ZFAND4: variants seen among roughly 807,000 people sequenced by gnomAD.
The protein encoded by ZFAND4 is AN1-type zinc finger protein 4.
ZFAND4 carries 43 observed loss-of-function variants against 64.4 expected under a neutral mutation model. The ratio of observed to expected loss-of-function variants is 0.67; its 90% CI spans 0.52 to 0.86. The LOEUF is 0.86. Ranked by LOEUF, ZFAND4 falls within the 40% of genes least tolerant of loss-of-function variation. The pLI, the probability that ZFAND4 is intolerant of heterozygous loss-of-function variation, is 0.00. For synonymous variants in ZFAND4, 296 were observed against 305.7 expected, an observed-to-expected ratio of 0.97 and a Z score of 0.33; for missense variants, 929 against 859.8, an observed-to-expected ratio of 1.08 and a Z score of -1.01.
intron 9 of ZFAND4, among the ~76,000 whole-genome samples, chr10:45,616,858 G>T (rs1355081175): frequency 6.6e-6 from 1 of 152,198 alleles, no homozygotes; most frequent in Non-Finnish European, 1.5e-5. Context: ...ACTTTGGGAA[G>T]CCGAGGCGGG....
rs1016996297 is a variant in ZFAND4 at position 45,663,845 on chromosome 10, A to T, written c.-117-3T>A. 1.2e-6 allele frequency: 1 copy of T among 854,672 alleles called. No homozygotes were observed. Among genetic ancestry groups the T allele is most frequent in the Non-Finnish European group, 1.7e-6 (1 of 603,216 alleles). 52.9% of individuals were successfully genotyped at this position (854,672 alleles called of 1,614,324 possible). A position where few individuals can be genotyped will look rare whatever the true frequency, so the allele number is the denominator to read the frequency against. On this transcript the variant is annotated splice_polypyrimidine_tract_variant and splice_region_variant and intron_variant, in intron 1 of 9. Coordinates refer to ENST00000344646, the MANE Select transcript of ZFAND4 (RefSeq NM_174890.4). ...TGTTCATGTTTTGAGTTTTGTACCT[A>T]AAAAAACAAGAATTTTTTTAACAAG...
At position 45,672,606 on chromosome 10, in the gene ZFAND4, G is replaced by A. The variant is rs949839350; in HGVS notation, c.-474C>T. ...TTCCGGCCCCACGACGGCCGGCGGCGGCAGCGCGGCTGGGCTCAGCGGCTC... is the reference window on the plus strand; with the variant it reads ...TTCCGGCCCCACGACGGCCGGCGGCAGCAGCGCGGCTGGGCTCAGCGGCTC... On this transcript the variant is annotated 5_prime_UTR_variant, in exon 1 of 10. Transcript: ENST00000344646. 7 of 151,914 alleles carry A rather than the reference G, an allele frequency of 4.6e-5. No homozygotes were observed. The highest frequency in any genetic ancestry group is 1.4e-4 in the African/African-American group (6 of 41,410). 9.4% of individuals were successfully genotyped at this position (151,914 alleles called of 1,614,324 possible).
At chr10:45,621,481 A>C (rs1343455826) in intron 8 of ZFAND4, among the ~76,000 whole-genome samples, 1 of 151,488 alleles carries the variant, frequency 6.6e-6, no homozygotes, top group African/African-American at 2.4e-5. Context: ...AGTGGCTCAC[A>C]CCTGTAATCC....
chr10:45,643,764 G>A lies in ZFAND4; in HGVS notation c.570-3801C>T, dbSNP rs147311670. Among the ~76,000 whole-genome samples, 545 of 151,070 alleles carry A rather than the reference G, an allele frequency of 3.6e-3. 1 individual carries two copies. The highest frequency in any genetic ancestry group is 0.013 in the African/African-American group (521 of 41,130). ...AAGACTGATGCTGCATTTTGTATCAGAATGAAACAAATTAACACTCAATTC... is the reference window on the plus strand; with the variant it reads ...AAGACTGATGCTGCATTTTGTATCAAAATGAAACAAATTAACACTCAATTC... On this transcript the variant is annotated intron_variant, in intron 5 of 9. Coordinates refer to ENST00000344646, the MANE Select transcript of ZFAND4 (RefSeq NM_174890.4).
intron 1 of ZFAND4, among the ~76,000 whole-genome samples, chr10:45,664,586 T>C (rs974129244): frequency 6.7e-6 from 1 of 150,326 alleles, no homozygotes; most frequent in Non-Finnish European, 1.5e-5. Flanking sequence ...ATTTGAATCA[T>C]ACTGGATAAA....
chr10:45,645,448 T>A (rs1000220177), intron 5 of ZFAND4, among the ~76,000 whole-genome samples: 1 of 152,222 alleles, frequency 6.6e-6, no homozygotes, highest in Non-Finnish European at 1.5e-5. Flanking sequence ...AGTTTTATTA[T>A]GTTTTTTTTA....
chr10:45,661,941 GAAAAAAA>G (rs766075300), intron 2 of ZFAND4, among the ~76,000 whole-genome samples: 2 of 101,060 alleles, frequency 2.0e-5, no homozygotes, highest in Admixed American at 1.1e-4. Flanking sequence ...CCGTCTCGAA[GAAAAAAA>G]AAAAAAAAAA....
At chr10:45,667,719 C>G (rs981621771) in intron 1 of ZFAND4, among the ~76,000 whole-genome samples, 7 of 152,094 alleles carry the variant, frequency 4.6e-5, no homozygotes, top group Admixed American at 3.9e-4. Context: ...CCCACCCACC[C>G]TGGCCTCCCA....
At chr10:45,638,987 A>T (rs2046810671) in intron 6 of ZFAND4, among the ~76,000 whole-genome samples, 1 of 152,200 alleles carries the variant, frequency 6.6e-6, no homozygotes, top group Admixed American at 6.5e-5. Flanking sequence ...AACATTCTGG[A>T]GTGAAAGGTC....
intron 6 of ZFAND4, among the ~76,000 whole-genome samples, chr10:45,631,613 G>A (rs888098348): frequency 1.3e-5 from 2 of 151,944 alleles, no homozygotes; most frequent in African/African-American, 2.4e-5. Context: ...AATATAAAAA[G>A]CAAAGCATAG....
intron 2 of ZFAND4, among the ~76,000 whole-genome samples, chr10:45,657,684 C>T (rs1301640120): frequency 1.3e-5 from 2 of 152,076 alleles, no homozygotes; most frequent in Non-Finnish European, 2.9e-5. Context: ...CTAAAAACCA[C>T]CCAGATGTCC....
intron 2 of ZFAND4, among the ~76,000 whole-genome samples, chr10:45,663,115 TAAA>T (rs544625363): frequency 5.4e-5 from 7 of 130,164 alleles, no homozygotes; most frequent in East Asian, 2.2e-4. Context: ...ACCTCCACAT[TAAA>T]AAAAAAAAAA....
intron 8 of ZFAND4, 137 bp from the exon 9 acceptor site, chr10:45,618,397 C>A: frequency 9.3e-7 from 1 of 1,080,190 alleles, no homozygotes; most frequent in East Asian, 3.0e-5. Context: ...ATTTTTATAT[C>A]TAAAATTACT....
At position 45,626,530 on chromosome 10, in the gene ZFAND4, A is replaced by G. The variant is rs1487425952; in HGVS notation, c.1293T>C (p.Ala431=). The G allele has an allele frequency of 4.3e-6, 7 of 1,613,950 alleles. No individual in the cohort carries two copies. The highest frequency in any genetic ancestry group is 1.7e-5 in the Admixed American group (1 of 60,004). Residue 431 remains alanine (A), a synonymous_variant, in exon 7 of 10, where the codon GCT becomes GCC. Transcript: ENST00000344646. ...GCTCTGGAGCTTTCAACCCTTTGTC[A>G]GCATTAGTGAGTAGCAACTCCAGAT... is the stretch of plus-strand genomic sequence containing the variant. ...KVNLELLLTN[A]DKGLKAPEQH...
At chr10:45,640,929 T>C (rs1407801940) in intron 5 of ZFAND4, among the ~76,000 whole-genome samples, 2 of 152,196 alleles carry the variant, frequency 1.3e-5, no homozygotes, top group African/African-American at 4.8e-5. Context: ...AGGTTAAACA[T>C]TTCAATTACT....
intron 8 of ZFAND4, among the ~76,000 whole-genome samples, chr10:45,621,831 AT>A (rs992376556): frequency 3.3e-5 from 5 of 152,216 alleles, no homozygotes; most frequent in Middle Eastern, 3.4e-3. Context: ...ATAGCCTAGA[AT>A]TTTTTTTAAA....
At chr10:45,658,050 G>A (rs2048247783) in intron 2 of ZFAND4, among the ~76,000 whole-genome samples, 1 of 152,112 alleles carries the variant, frequency 6.6e-6, no homozygotes, top group Admixed American at 6.5e-5. Flanking sequence ...CCAACAGAAC[G>A]ATATACTTGT....
chr10:45,648,538 C>T lies in ZFAND4; in HGVS notation c.329-4G>A, dbSNP rs766547745. ...CTAAGTGGATCGTCTGTAGGAACTACAAATGGAAAATTGAAATAAGTCTTC... is the reference window on the plus strand; with the variant it reads ...CTAAGTGGATCGTCTGTAGGAACTATAAATGGAAAATTGAAATAAGTCTTC... On this transcript the variant is annotated splice_polypyrimidine_tract_variant and splice_region_variant and intron_variant, in intron 4 of 9. Transcript: ENST00000344646. 146 of 1,588,810 alleles carry T rather than the reference C, an allele frequency of 9.2e-5. No homozygotes were observed. The highest frequency in any genetic ancestry group is 9.6e-5 in the Non-Finnish European group (112 of 1,169,032).
intron 6 of ZFAND4, among the ~76,000 whole-genome samples, chr10:45,631,017 T>C (rs1023101809): frequency 2.0e-5 from 3 of 149,250 alleles, no homozygotes; most frequent in East Asian, 2.0e-4. Flanking sequence ...TTCTAACTTA[T>C]GTATAAAATA....
Sources: allele counts gnomAD v4.1 joint callset (sites outside exome capture counted in the v4.1 genomes callset), GRCh38; gene constraint gnomAD v4.1.1; transcripts MANE v1.5; gene names NCBI Gene and HGNC (gene_info 2026-07-23, HGNC 2026-07-21).